Variants in CIBAR1 observed in about 807,000 individuals in gnomAD.
CIBAR1 encodes the protein CBY1-interacting BAR domain-containing protein 1.
In CIBAR1, 25 loss-of-function variants were observed where a neutral mutation model predicts 44.0. The observed-to-expected ratio is 0.57, with a 90% CI of 0.41 to 0.79. The LOEUF (loss-of-function observed/expected upper bound fraction) is 0.79, where lower values mean the gene tolerates loss of function less well. Among genes scored for constraint, CIBAR1 ranks in the 30% least tolerant of loss-of-function variants. CIBAR1 has a pLI of 0.00. For synonymous variants in CIBAR1, 115 were observed against 119.0 expected (o/e 0.97, Z 0.22); for missense variants, 278 against 344.8 (o/e 0.81, Z 1.53).
intron 6 of CIBAR1, among the ~76,000 whole-genome samples, chr8:93,711,806 C>A (rs1160416216): frequency 3.9e-5 from 6 of 152,254 alleles, no homozygotes; most frequent in African/African-American, 1.2e-4. Context: ...GATCTTTGGG[C>A]TCACTTCTAT....
intron 7 of CIBAR1, among the ~76,000 whole-genome samples, chr8:93,719,213 C>T (rs948227478): frequency 1.1e-4 from 16 of 151,936 alleles, no homozygotes; most frequent in Non-Finnish European, 2.1e-4. Context: ...ATGTGTAATC[C>T]AAAATAGATG....
intron 5 of CIBAR1, among the ~76,000 whole-genome samples, chr8:93,708,323 T>C (rs1810685021): frequency 6.6e-6 from 1 of 152,212 alleles, no homozygotes; most frequent in African/African-American, 2.4e-5. Flanking sequence ...TTAAATGTTT[T>C]TGGGCAACTT....
Position 93,728,274 on chromosome 8 carries a change from G to T in CIBAR1, c.847G>T (p.Glu283Ter), listed in dbSNP as rs772906998. Residue 283 changes from glutamate (E) to a stop codon, truncating the protein, a stop_gained, in exon 9 of 9, where the codon GAA (glutamate) becomes TAA (stop). Transcript: ENST00000518322. LOFTEE classifies it high-confidence loss of function. ...DDEDDELDVT[E>*]EENFLK ...TGAGGATGACGAGTTAGATGTTACAGAAGAAGAAAATTTTCTTAAGTAAAC... is the reference window on the plus strand; with the variant it reads ...TGAGGATGACGAGTTAGATGTTACATAAGAAGAAAATTTTCTTAAGTAAAC... 4 of 1,569,922 alleles carry T rather than the reference G, an allele frequency of 2.5e-6. No homozygotes were observed. In the African/African-American group the frequency reaches 6.9e-5, roughly 27 times the overall value.
rs762874560 is a variant in CIBAR1 at position 93,704,975 on chromosome 8, A to G, written c.397A>G (p.Thr133Ala). 3.1e-6 allele frequency: 5 copies of G among 1,613,180 alleles called. No individual in the cohort carries two copies. The highest frequency in any genetic ancestry group is 4.2e-6 in the Non-Finnish European group (5 of 1,179,560). The change falls in exon 4 of 9, where the codon ACA becomes GCA. Residue 133 changes from threonine to alanine, a missense_variant. By Grantham distance (58) the Thr-to-Ala change is moderately conservative. This residue lies in a region of CIBAR1 where 183 missense variants were observed against 218.6 expected (regional missense o/e 0.84). Transcript: ENST00000518322. ...TAAGCAATTAACTCAGTTAGAAAGA[A>G]CACGTCAGCGAAACCCATCTGATCG... ...EAKQLTQLER[T>A]RQRNPSDRHV...
intron 7 of CIBAR1, 114 bp downstream of exon 7, chr8:93,718,902 T>C: frequency 1.7e-6 from 1 of 587,164 alleles, no homozygotes; most frequent in Non-Finnish European, 2.7e-6. Flanking sequence ...CTCACTCTGT[T>C]GCCCAAGTTG....
intron 6 of CIBAR1, among the ~76,000 whole-genome samples, chr8:93,710,141 G>A (rs1262817555): frequency 1.3e-5 from 2 of 151,904 alleles, no homozygotes; most frequent in Non-Finnish European, 2.9e-5. Flanking sequence ...GCCAGGTGTG[G>A]TGGCACATGC....
chr8:93,700,992 C>T lies in CIBAR1; in HGVS notation c.27-232C>T, dbSNP rs1217088753. The T allele has an allele frequency of 4.3e-6, 6 of 1,405,498 alleles. No individual in the cohort carries two copies. The East Asian group carries it at 1.3e-4, about 31-fold the overall frequency. The allele number at this position is 1,405,498 out of a possible 1,614,324, so 87.1% of individuals were successfully genotyped here. ...CGCGGAGCAGCCGGAGCAGCCACCT[C>T]CCCAGTTAAGGCCAGGCCCACCCGG... On this transcript the variant is annotated intron_variant, in intron 1 of 8. Transcript: ENST00000518322.
In CIBAR1 at chr8:93,728,409, CAG is replaced by C; in HGVS notation, c.*114_*115del. Reference sequence around the variant, plus strand: ...CCTCAAAGTGAAGTCCAACTGGAAACAGAAAAATAATTAAAGGAAACTTATGC... The same window carrying C: ...CCTCAAAGTGAAGTCCAACTGGAAACAAAAATAATTAAAGGAAACTTATGC... On this transcript the variant is annotated 3_prime_UTR_variant, in exon 9 of 9. Transcript: ENST00000518322. The C allele has an allele frequency of 1.6e-6, 1 of 639,732 alleles. No homozygotes were observed. Among genetic ancestry groups the C allele is most frequent in the Admixed American group, 4.0e-5 (1 of 25,278 alleles). The allele number at this position is 639,732 out of a possible 1,614,324, so 39.6% of individuals were successfully genotyped here.
chr8:93,709,065 G>A (rs1361562668), intron 5 of CIBAR1, among the ~76,000 whole-genome samples: 1 of 152,128 alleles, frequency 6.6e-6, no homozygotes, highest in African/African-American at 2.4e-5. Flanking sequence ...GATCACTTGA[G>A]GTCAGGAATT....
At chr8:93,703,529 T>A in intron 2 of CIBAR1, 91 bp from the exon 3 acceptor site, 1 of 745,626 alleles carries the variant, frequency 1.3e-6, no homozygotes, top group South Asian at 2.2e-5. Flanking sequence ...GAGTTTAGAT[T>A]CTGAGTCTTA....
intron 3 of CIBAR1, among the ~76,000 whole-genome samples, chr8:93,703,986 C>A (rs1810475806): frequency 6.6e-6 from 1 of 151,846 alleles, no homozygotes; most frequent in Admixed American, 6.6e-5. Context: ...ATCGCTTGAA[C>A]CCAGGAGGCA....
chr8:93,711,287 A>G (rs555906459), intron 6 of CIBAR1, among the ~76,000 whole-genome samples: 19 of 152,190 alleles, frequency 1.2e-4, no homozygotes, highest in Non-Finnish European at 2.8e-4. Context: ...TTTTACTACT[A>G]TTGACAAATC....
chr8:93,707,907 A>G (rs141791539), intron 4 of CIBAR1, 104 bp from the exon 5 acceptor site: 12,094 of 680,566 alleles, frequency 0.018, 163 homozygotes, highest in Non-Finnish European at 0.022. Context: ...CAATTAATAT[A>G]TAACCTAATT....
At chr8:93,709,920 T>C (rs1810754520) in intron 6 of CIBAR1, 45 bp downstream of exon 6, 1 of 1,404,946 alleles carries the variant, frequency 7.1e-7, no homozygotes, top group Non-Finnish European at 9.7e-7. Flanking sequence ...TTTAACCTTT[T>C]TTTTTACTTT....
At chr8:93,723,639 G>A (rs1217748654) in intron 7 of CIBAR1, among the ~76,000 whole-genome samples, 1 of 151,944 alleles carries the variant, frequency 6.6e-6, no homozygotes, top group Non-Finnish European at 1.5e-5. Flanking sequence ...ATTTGCCAGG[G>A]AGGAGATGCA....
chr8:93,726,664 T>C (rs1444876998), intron 8 of CIBAR1, 151 bp downstream of exon 8: 6 of 821,626 alleles, frequency 7.3e-6, no homozygotes, highest in Non-Finnish European at 1.2e-5. Flanking sequence ...GAAGATTGCA[T>C]TAAGTGCAGC....
rs200002861 is a variant in CIBAR1 at position 93,726,418 on chromosome 8, C to T, written c.682C>T (p.Pro228Ser). ...GGTTTTCCGAAATTCTCTGTATGCA[C>T]CAGATTATTCATCTCGTTTAGATAT... Reference protein sequence around the residue: ...LEVFRNSLYAPDYSSRLDIVR... With the variant: ...LEVFRNSLYASDYSSRLDIVR... The change falls in exon 8 of 9, where the codon CCA becomes TCA. Residue 228 changes from proline (P) to serine (S), a missense_variant. This residue lies in a region of CIBAR1 where 93 missense variants were observed against 108.9 expected (regional missense o/e 0.85). Coordinates refer to ENST00000518322, the MANE Select transcript of CIBAR1 (RefSeq NM_145269.5). 3.7e-6 allele frequency: 6 copies of T among 1,613,036 alleles called. No homozygotes were observed. In the African/African-American group the frequency reaches 5.3e-5, roughly 14 times the overall value.
At chr8:93,701,696 T>G (rs1586252174) in intron 2 of CIBAR1, 4 of 500,354 alleles carry the variant, frequency 8.0e-6, no homozygotes, top group Non-Finnish European at 1.1e-5. Flanking sequence ...CCACTTTATT[T>G]GCCAACTTTT....
At chr8:93,702,267 A>G (rs1225123286) in intron 2 of CIBAR1, 1 of 425,586 alleles carries the variant, frequency 2.3e-6, no homozygotes, top group Non-Finnish European at 4.7e-6. Context: ...TCATATTTGG[A>G]GGTACTTTTG....
Sources: allele counts gnomAD v4.1 joint callset (sites outside exome capture counted in the v4.1 genomes callset), GRCh38; gene constraint gnomAD v4.1.1; regional missense constraint gnomAD v4.1.1; transcripts MANE v1.5; gene names NCBI Gene and HGNC (gene_info 2026-07-23, HGNC 2026-07-21).